Variants in TRAPPC9 observed in about 807,000 individuals in gnomAD.
The protein encoded by TRAPPC9 is trafficking protein particle complex subunit 9.
TRAPPC9 carries 83 observed loss-of-function variants against 124.0 expected under a neutral mutation model. That is an observed-to-expected ratio of 0.67 (90% confidence interval 0.56 to 0.80). TRAPPC9 has a LOEUF of 0.80. Among genes scored for constraint, TRAPPC9 ranks in the 30% least tolerant of loss-of-function variants. The pLI is 0.00. For synonymous variants in TRAPPC9, 638 were observed against 617.5 expected (o/e 1.03, Z -0.49); for missense variants, 1,302 against 1,508.3 (o/e 0.86, Z 2.27).
chr8:140,052,029 A>G (rs1163585695), intron 17 of TRAPPC9, among the ~76,000 whole-genome samples: 1 of 152,174 alleles, frequency 6.6e-6, no homozygotes, highest in African/African-American at 2.4e-5. Flanking sequence ...CCAGTAGTTA[A>G]GAAAGATGGA....
intron 19 of TRAPPC9, among the ~76,000 whole-genome samples, chr8:139,962,681 G>A (rs1242627262): frequency 8.0e-6 from 1 of 124,416 alleles, no homozygotes; most frequent in African/African-American, 2.6e-5. Flanking sequence ...GTGACCAGGA[G>A]GACACATGGA....
At chr8:139,753,066 A>C (rs1475770591) in intron 21 of TRAPPC9, among the ~76,000 whole-genome samples, 3 of 123,134 alleles carry the variant, frequency 2.4e-5, no homozygotes, top group African/African-American at 7.3e-5. Flanking sequence ...CCACCCACCC[A>C]CCCATCTATC....
intron 17 of TRAPPC9, among the ~76,000 whole-genome samples, chr8:140,068,598 G>A (rs954151564): frequency 6.6e-5 from 10 of 152,204 alleles, no homozygotes; most frequent in Non-Finnish European, 1.5e-5. Context: ...CGCTTGTCAT[G>A]AAATCAGGCC....
rs867376587 is a variant in TRAPPC9, at chr8:139,755,621, A to G, written c.3056-23419T>C. 2.5e-3 allele frequency among the ~76,000 whole-genome samples: 133 copies of G among 53,582 alleles called. 1 individual carries two copies. Among genetic ancestry groups the G allele is most frequent in the African/African-American group, 5.5e-3 (49 of 8,890 alleles). 35.2% of individuals were successfully genotyped at this position (53,582 alleles called of 152,430 possible). The stretch of plus-strand genomic sequence containing the variant: ...GCAGGAGGAGCCAGGGTTGGGGTAT[A>G]AGGACAGCAGGTCGCAGGAGGAGCC... On this transcript the variant is annotated intron_variant, in intron 21 of 22. Coordinates refer to ENST00000438773, the MANE Select transcript of TRAPPC9 (RefSeq NM_001160372.4).
intron 17 of TRAPPC9, among the ~76,000 whole-genome samples, chr8:140,044,115 C>T (rs1841431489): frequency 1.3e-5 from 2 of 152,116 alleles, no homozygotes; most frequent in African/African-American, 2.4e-5. Context: ...CCAAGGTAGA[C>T]GGTCAAGCCA....
chr8:140,101,845 TTTTG>T (rs1200632872), intron 17 of TRAPPC9, among the ~76,000 whole-genome samples: 3 of 151,962 alleles, frequency 2.0e-5, no homozygotes, highest in East Asian at 1.9e-4. Context: ...CAGCCTGGTT[TTTTG>T]TTTATTTTTT....
chr8:140,290,904 A>T lies in TRAPPC9; in HGVS notation c.1854+89T>A, dbSNP rs62527544. 88,461 of 1,020,678 alleles carry T rather than the reference A, an allele frequency of 0.087. 4,858 individuals carry two copies. The highest frequency in any genetic ancestry group is 0.22 in the African/African-American group (13,973 of 63,378). 63.2% of individuals were successfully genotyped at this position (1,020,678 alleles called of 1,614,324 possible). On this transcript the variant is annotated intron_variant, in intron 12 of 22. Coordinates refer to ENST00000438773, the MANE Select transcript of TRAPPC9 (RefSeq NM_001160372.4). ...AACATAAAAACAGACACATATCGTA[A>T]GATGTGTGCCTCAGACATTAAGTAA... is the stretch of plus-strand genomic sequence containing the variant.
intron 7 of TRAPPC9, among the ~76,000 whole-genome samples, chr8:140,379,228 G>GCACT (rs2068533499): frequency 6.6e-6 from 1 of 152,138 alleles, no homozygotes; most frequent in African/African-American, 2.4e-5. Context: ...GGCAGGCCTG[G>GCACT]CACTCACGTT....
chr8:139,945,543 C>CAAAAAAAA (rs61528944), intron 19 of TRAPPC9, among the ~76,000 whole-genome samples: 23 of 66,166 alleles, frequency 3.5e-4, no homozygotes, highest in Admixed American at 5.0e-4. Flanking sequence ...GCACAATTAG[C>CAAAAAAAA]AAAAAAAAAA....
intron 14 of TRAPPC9, among the ~76,000 whole-genome samples, chr8:140,283,176 T>C (rs549684158): frequency 1.1e-4 from 17 of 151,620 alleles, no homozygotes; most frequent in Non-Finnish European, 2.2e-4. Context: ...AGGTGGAGGT[T>C]GCAGTGAGTC....
At chr8:139,802,883 A>G (rs1221520879) in intron 21 of TRAPPC9, among the ~76,000 whole-genome samples, 1 of 151,712 alleles carries the variant, frequency 6.6e-6, no homozygotes, top group Non-Finnish European at 1.5e-5. Flanking sequence ...CTGTTGTATG[A>G]GTGCTCTGTG....
chr8:140,034,421 T>C (rs994617596), intron 17 of TRAPPC9, among the ~76,000 whole-genome samples: 2 of 151,874 alleles, frequency 1.3e-5, no homozygotes, highest in African/African-American at 4.8e-5. Context: ...ACCTAGGGAG[T>C]CTCTGTGATC....
chr8:139,926,676 G>A (rs754787611), intron 19 of TRAPPC9, among the ~76,000 whole-genome samples: 10 of 151,010 alleles, frequency 6.6e-5, no homozygotes, highest in Non-Finnish European at 1.5e-4. Context: ...CTGAGATTGC[G>A]CCACTGCACT....
chr8:140,033,662 T>TTTG (rs1563706597), intron 17 of TRAPPC9, among the ~76,000 whole-genome samples: 2 of 50,310 alleles, frequency 4.0e-5, no homozygotes, highest in African/African-American at 2.5e-4. Flanking sequence ...AATGTGGTTT[T>TTTG]TTTTTTTTTT....
intron 14 of TRAPPC9, among the ~76,000 whole-genome samples, chr8:140,280,817 G>A (rs747571405): frequency 1.4e-4 from 22 of 152,286 alleles, no homozygotes; most frequent in Middle Eastern, 6.8e-3. Context: ...CACACCACTG[G>A]CAGTCTCAGG....
At chr8:139,883,201 C>T (rs1361864853) in intron 21 of TRAPPC9, among the ~76,000 whole-genome samples, 1 of 152,206 alleles carries the variant, frequency 6.6e-6, no homozygotes, top group Non-Finnish European at 1.5e-5. Context: ...ACGCTCAGCT[C>T]CCTCGCCATG....
In TRAPPC9 at chr8:140,275,685, C is replaced by T; in HGVS notation, c.2251G>A (p.Val751Ile). ...IGMEPLEKLE[V>I]TSKVLTTKEK... The stretch of plus-strand genomic sequence containing the variant: ...TTAGTGGTGAGAACTTTCGAGGTGA[C>T]CTCCAGTTTCTCCAATGGTTCCATT... The change falls in exon 15 of 23, where the codon GTC (valine) becomes ATC (isoleucine). Residue 751 changes from valine (V) to isoleucine (I), a missense_variant. Val to Ile is a conservative substitution (Grantham distance 29). Coordinates refer to ENST00000438773, the MANE Select transcript of TRAPPC9 (RefSeq NM_001160372.4). The T allele has an allele frequency of 6.2e-7, 1 of 1,614,178 alleles. No individual in the cohort carries two copies. The highest frequency in any genetic ancestry group is 8.5e-7 in the Non-Finnish European group (1 of 1,180,026).
chr8:140,451,888 A>C (rs1427586642), intron 1 of TRAPPC9, among the ~76,000 whole-genome samples: 3 of 152,286 alleles, frequency 2.0e-5, no homozygotes, highest in East Asian at 3.9e-4. Context: ...TGGAAGGCCG[A>C]AGCTGGCGGA....
rs2060625989 is a variant in TRAPPC9, at chr8:140,104,154, A to G, written c.2557-80075T>C. The stretch of plus-strand genomic sequence containing the variant: ...TGCAGGGATGAAACTGTCTCCTGGG[A>G]GGGCAGATCTGTAAACAAAGAATGA... On this transcript the variant is annotated intron_variant, in intron 17 of 22. Coordinates refer to ENST00000438773, the MANE Select transcript of TRAPPC9 (RefSeq NM_001160372.4). This position sits in a 1 kb window ranked among gnomAD's most constrained non-coding sequence, Gnocchi z 4.0. 1.3e-5 allele frequency among the ~76,000 whole-genome samples: 2 copies of G among 152,178 alleles called. No individual in the cohort carries two copies. Among genetic ancestry groups the G allele is most frequent in the Non-Finnish European group, 2.9e-5 (2 of 68,038 alleles).
Sources: gnomAD v4.1 joint callset for allele counts (sites outside exome capture counted in the v4.1 genomes callset) on GRCh38, gnomAD v4.1.1 for gene constraint, Gnocchi (gnomAD v3.1) non-coding constraint, MANE v1.5 for transcripts, NCBI Gene and HGNC (gene_info 2026-07-23, HGNC 2026-07-21) for gene names.